Variants in IQSEC3 observed in about 807,000 individuals in gnomAD.
IQSEC3 encodes the protein IQ motif and SEC7 domain-containing protein 3.
IQSEC3 carries 50 observed loss-of-function variants against 105.4 expected under a neutral mutation model. The ratio of observed to expected loss-of-function variants is 0.47; its 90% confidence interval spans 0.38 to 0.60. IQSEC3 has a LOEUF of 0.60. Ranked by LOEUF, IQSEC3 falls within the 20% of genes least tolerant of loss-of-function variation. The pLI, the probability that IQSEC3 is intolerant of heterozygous loss-of-function variation, is 0.00. For missense variants in IQSEC3, 1,415 were observed against 1,630.0 expected (o/e 0.87, Z 2.27); for synonymous variants, 708 against 746.0 (o/e 0.95, Z 0.83).
At chr12:157,495 T>C (rs1866733450) in intron 6 of IQSEC3, 33 bp from the exon 7 acceptor site, 2 of 1,591,186 alleles carry the variant, frequency 1.3e-6, no homozygotes, top group African/African-American at 1.3e-5. Flanking sequence ...GGGCGGGGGC[T>C]CAGCGTCCGC....
intron 5 of IQSEC3, among the ~76,000 whole-genome samples, chr12:150,822 A>G (rs1270929668): frequency 1.3e-5 from 2 of 152,194 alleles, no homozygotes; most frequent in East Asian, 3.8e-4. Flanking sequence ...GGCTCAAGGC[A>G]GGGTTCTGAT....
chr12:89,052 C>G (rs1218705293), intron 1 of IQSEC3, among the ~76,000 whole-genome samples: 3 of 152,248 alleles, frequency 2.0e-5, no homozygotes, highest in African/African-American at 7.2e-5. Flanking sequence ...TGACCTGACC[C>G]TCCCAAAGGT....
intron 3 of IQSEC3, among the ~76,000 whole-genome samples, chr12:130,577 C>T (rs1164387630): frequency 6.6e-6 from 1 of 152,180 alleles, no homozygotes; most frequent in East Asian, 1.9e-4. Flanking sequence ...GGATCAGAGC[C>T]AGCTCCTGGG....
In IQSEC3 at chr12:175,991, G is replaced by C. The variant is rs1014285132; in HGVS notation, c.*958G>C. The C allele has an allele frequency of 7.0e-6, 1 of 142,214 alleles. No individual in the cohort carries two copies. The highest frequency in any genetic ancestry group is 3.1e-5 in the African/African-American group (1 of 32,012). The allele number at this position is 142,214 out of a possible 1,614,324, so 8.8% of individuals were successfully genotyped here. A position where few individuals can be genotyped will look rare whatever the true frequency, so the allele number is the denominator to read the frequency against. ...CGAGGCAGGGCTCCCTCCTGCATGAGGCTCGGCCCGAGGCAGGGCTCCCTC... is the reference window on the plus strand; with the variant it reads ...CGAGGCAGGGCTCCCTCCTGCATGACGCTCGGCCCGAGGCAGGGCTCCCTC... On this transcript the variant is annotated 3_prime_UTR_variant, in exon 14 of 14. Coordinates refer to ENST00000538872, the MANE Select transcript of IQSEC3 (RefSeq NM_001170738.2).
At position 165,869 on chromosome 12, in the gene IQSEC3, C is replaced by A. The variant is rs901309753; in HGVS notation, c.2950C>A (p.Leu984Met). Residue 984 changes from leucine to methionine, a missense_variant, in exon 11 of 14, where the codon CTG becomes ATG. Physicochemically the swap from Leu to Met is conservative, Grantham distance 15. This residue lies in a region of IQSEC3 where 419 missense variants were observed against 436.2 expected (regional missense o/e 0.96). Coordinates refer to ENST00000538872, the MANE Select transcript of IQSEC3 (RefSeq NM_001170738.2). Reference sequence around the variant, plus strand: ...GGAGTCCATTGCTGAGGTGACGGAGCTGGAGCAGATCCGAATAGAGTGTAA... The same window carrying A: ...GGAGTCCATTGCTGAGGTGACGGAGATGGAGCAGATCCGAATAGAGTGTAA... The part of the protein sequence containing the change: ...LKESIAEVTE[L>M]EQIRIEWELE... 4.3e-6 allele frequency: 7 copies of A among 1,613,926 alleles called. No homozygotes were observed. In the African/African-American group the frequency reaches 8.0e-5, roughly 18 times the overall value.
intron 2 of IQSEC3, among the ~76,000 whole-genome samples, chr12:115,297 C>G (rs1322327633): frequency 6.6e-6 from 1 of 152,076 alleles, no homozygotes; most frequent in Non-Finnish European, 1.5e-5. Context: ...TAGCTCAGGA[C>G]CCAAGAAACA....
chr12:75,500 C>T (rs1350136473), intron 1 of IQSEC3, among the ~76,000 whole-genome samples: 2 of 152,122 alleles, frequency 1.3e-5, no homozygotes, highest in Admixed American at 6.5e-5. Context: ...AGTTAAAGAG[C>T]ATCATGATGT....
At chr12:162,922 T>C (rs1866962448) in intron 8 of IQSEC3, among the ~76,000 whole-genome samples, 1 of 152,130 alleles carries the variant, frequency 6.6e-6, no homozygotes, top group Non-Finnish European at 1.5e-5. Context: ...TGACAGTGGC[T>C]GGACTGGAAC....
intron 5 of IQSEC3, among the ~76,000 whole-genome samples, chr12:144,941 C>T (rs1866200021): frequency 6.6e-6 from 1 of 152,232 alleles, no homozygotes; most frequent in Admixed American, 6.5e-5. Flanking sequence ...AAGAGAACCC[C>T]TCACCTCAGC....
chr12:134,011 G>A (rs781810356), intron 3 of IQSEC3, among the ~76,000 whole-genome samples: 2 of 152,362 alleles, frequency 1.3e-5, no homozygotes, highest in East Asian at 1.9e-4. Context: ...CAGCAGTTAC[G>A]CTGTAGCCTG....
At chr12:145,204 T>C (rs1448148108) in intron 5 of IQSEC3, among the ~76,000 whole-genome samples, 1 of 152,258 alleles carries the variant, frequency 6.6e-6, no homozygotes, top group African/African-American at 2.4e-5. Flanking sequence ...ACCTGTCTCA[T>C]ATGAATCAAA....
rs80178719 is a variant in IQSEC3, at chr12:86,748, T to G, written c.555-12398T>G. ...CTAAGCACAACACAGGTATCTTGTT[T>G]GACCTTCACAACAACCTGATGAGGT... is the stretch of plus-strand genomic sequence containing the variant. On this transcript the variant is annotated intron_variant, in intron 1 of 13. Coordinates refer to ENST00000538872, the MANE Select transcript of IQSEC3 (RefSeq NM_001170738.2). Among the ~76,000 whole-genome samples the G allele has an allele frequency of 4.2e-3, 643 of 152,266 alleles. 5 individuals carry two copies. The highest frequency in any genetic ancestry group is 0.027 in the East Asian group (139 of 5,184).
At position 138,797 on chromosome 12, in the gene IQSEC3, C is replaced by G; in HGVS notation, c.1434C>G (p.Ser478Arg). Reference sequence around the variant, plus strand: ...CCCCCGGCCTGCCCCCGGCCCACAGCGGGACCCTCATGATGGCTTTCCGGG... The same window carrying G: ...CCCCCGGCCTGCCCCCGGCCCACAGGGGGACCCTCATGATGGCTTTCCGGG... The part of the protein sequence containing the change: ...AETPGLPPAH[S>R]GTLMMAFRDV... The change falls in exon 4 of 14, where the codon AGC becomes AGG. Residue 478 changes from serine (S) to arginine (R), a missense_variant. This residue lies in a region of IQSEC3 where 720 missense variants were observed against 633.0 expected (regional missense o/e 1.14). Coordinates refer to ENST00000538872, the MANE Select transcript of IQSEC3 (RefSeq NM_001170738.2). This position sits in a 1 kb window ranked among gnomAD's most constrained non-coding sequence, Gnocchi z 7.1. 1 of 1,606,714 alleles carries G rather than the reference C, an allele frequency of 6.2e-7. No individual in the cohort carries two copies.
At chr12:112,077 G>C (rs1177366451) in intron 2 of IQSEC3, among the ~76,000 whole-genome samples, 1 of 152,164 alleles carries the variant, frequency 6.6e-6, no homozygotes, top group Non-Finnish European at 1.5e-5. Context: ...GGCAGGGGCT[G>C]TAGGTGGTTT....
rs1555088014 is a variant in IQSEC3 at position 139,032 on chromosome 12, G to T, written c.1669G>T (p.Ala557Ser). The change falls in exon 4 of 14, where the codon GCT becomes TCT. Residue 557 changes from alanine (A) to serine (S), a missense_variant. Ala to Ser is a moderately conservative substitution (Grantham distance 99). Around this residue, in one of 6 missense-constraint regions of IQSEC3, gnomAD observed 720 missense variants for 633.0 expected, o/e 1.14. Coordinates refer to ENST00000538872, the MANE Select transcript of IQSEC3 (RefSeq NM_001170738.2). ...DASAEDSCAE[A>S]AASGAADGAT... Reference sequence around the variant, plus strand: ...GTCAGCCGAGGACTCATGCGCAGAGGCTGCGGCTAGTGGGGCGGCGGATGG... The same window carrying T: ...GTCAGCCGAGGACTCATGCGCAGAGTCTGCGGCTAGTGGGGCGGCGGATGG... 1 of 1,500,826 alleles carries T rather than the reference G, an allele frequency of 6.7e-7. No homozygotes were observed. The highest frequency in any genetic ancestry group is 8.9e-7 in the Non-Finnish European group (1 of 1,124,388). 93.0% of individuals were successfully genotyped at this position (1,500,826 alleles called of 1,614,324 possible). A position where few individuals can be genotyped will look rare whatever the true frequency, so the allele number is the denominator to read the frequency against.
At chr12:128,217 C>CT (rs61091478) in intron 3 of IQSEC3, among the ~76,000 whole-genome samples, 4,962 of 152,248 alleles carry the variant, frequency 0.033, 280 homozygotes, top group African/African-American at 0.11. Flanking sequence ...CGGGTGTCCC[C>CT]GTCACAGCCC....
intron 4 of IQSEC3, chr12:139,817 A>C: frequency 6.5e-6 from 1 of 154,066 alleles, no homozygotes; most frequent in Non-Finnish European, 1.4e-5. Context: ...CTCGTAAAGA[A>C]TGCCGGCTGA....
chr12:125,968 G>GA, intron 3 of IQSEC3, 56 bp downstream of exon 3: 1 of 1,485,404 alleles, frequency 6.7e-7, no homozygotes, highest in Non-Finnish European at 9.0e-7. Flanking sequence ...CTGCTTTGGG[G>GA]GCTGTCGAGG....
At chr12:161,265 C>T (rs1866879283) in intron 7 of IQSEC3, among the ~76,000 whole-genome samples, 1 of 152,196 alleles carries the variant, frequency 6.6e-6, no homozygotes, top group Non-Finnish European at 1.5e-5. Context: ...ATTTTAATCG[C>T]CTGTTTCTCC....
Sources: gnomAD v4.1 joint callset for allele counts (sites outside exome capture counted in the v4.1 genomes callset) on GRCh38, gnomAD v4.1.1 for gene constraint, gnomAD v4.1.1 regional missense constraint, Gnocchi (gnomAD v3.1) non-coding constraint, MANE v1.5 for transcripts, NCBI Gene and HGNC (gene_info 2026-07-23, HGNC 2026-07-21) for gene names.